HLCS: variants seen among roughly 807,000 people sequenced by gnomAD.
HLCS encodes biotin--protein ligase.
Under a neutral mutation model 75.0 loss-of-function variants are expected in HLCS, and 53 were observed. The ratio of observed to expected loss-of-function variants is 0.71; its 90% CI spans 0.57 to 0.89. The LOEUF (loss-of-function observed/expected upper bound fraction) is 0.89. HLCS is among the 40% of genes least tolerant of loss of function. The pLI, the probability that HLCS is intolerant of heterozygous loss-of-function variation, is 0.00. For missense variants in HLCS, 966 were observed against 1,074.0 expected, an observed-to-expected ratio of 0.90 and a Z score of 1.41; for synonymous variants, 431 against 428.6, an observed-to-expected ratio of 1.01 and a Z score of -0.07.
chr21:36,802,797 G>A (rs1013686912), intron 6 of HLCS, among the ~76,000 whole-genome samples: 4 of 152,106 alleles, frequency 2.6e-5, no homozygotes, highest in East Asian at 1.9e-4. Flanking sequence ...AAAAAGGCAC[G>A]ATCCCCACAC....
At chr21:36,823,610 G>GGGGGT (rs372824950) in intron 6 of HLCS, among the ~76,000 whole-genome samples, 24 of 132,726 alleles carry the variant, frequency 1.8e-4, no homozygotes, top group Non-Finnish European at 3.2e-5. Flanking sequence ...AAACGTGCAG[G>GGGGGT]GTGTGTGTGT....
chr21:36,939,386 T>A (rs2067038875), intron 2 of HLCS, among the ~76,000 whole-genome samples: 1 of 152,158 alleles, frequency 6.6e-6, no homozygotes, highest in Admixed American at 6.5e-5. Flanking sequence ...TGGACCCGCT[T>A]TTCTCAAAGT....
rs1431726637 is a variant in HLCS, at chr21:36,964,997, G to A, written c.195+1447C>T. On this transcript the variant is annotated intron_variant, in intron 1 of 10. Transcript: ENST00000674895. ...TAATGCATGAACTTCTTCCCCTTTT[G>A]TCTGGGTAGTGTCAGTTATGTGGAG... 3.0e-4 allele frequency among the ~76,000 whole-genome samples: 45 copies of A among 152,228 alleles called. 1 individual carries two copies. Among genetic ancestry groups the A allele is most frequent in the Non-Finnish European group, 8.8e-5 (6 of 68,006 alleles).
chr21:36,975,764 C>A (rs2068920750), intron 1 of HLCS, among the ~76,000 whole-genome samples: 1 of 152,026 alleles, frequency 6.6e-6, no homozygotes, highest in African/African-American at 2.4e-5. Context: ...CAGAAGAGAC[C>A]CCATCTCTAA....
intron 6 of HLCS, among the ~76,000 whole-genome samples, chr21:36,794,301 A>C (rs934172987): frequency 6.6e-6 from 1 of 152,244 alleles, no homozygotes; most frequent in Non-Finnish European, 1.5e-5. Context: ...CAGTGAAAAC[A>C]AAATACAGCA....
chr21:36,813,446 C>T (rs1329654682), intron 6 of HLCS, among the ~76,000 whole-genome samples: 1 of 152,180 alleles, frequency 6.6e-6, no homozygotes, highest in Non-Finnish European at 1.5e-5. Context: ...TTCTACCACA[C>T]TGCCTATTTC....
At chr21:36,826,107 A>C (rs2062001190) in intron 6 of HLCS, among the ~76,000 whole-genome samples, 1 of 152,222 alleles carries the variant, frequency 6.6e-6, no homozygotes, top group Non-Finnish European at 1.5e-5. Context: ...GTTAAGAGTA[A>C]CAAAGATGGG....
chr21:36,855,294 G>A (rs753934733), intron 6 of HLCS, among the ~76,000 whole-genome samples: 3 of 152,058 alleles, frequency 2.0e-5, no homozygotes, highest in Non-Finnish European at 2.9e-5. Flanking sequence ...ACTTTGGGAG[G>A]CCAAAGCGGG....
intron 6 of HLCS, among the ~76,000 whole-genome samples, chr21:36,822,196 C>T (rs530435055): frequency 7.2e-4 from 109 of 152,150 alleles, no homozygotes; most frequent in East Asian, 2.3e-3. Context: ...CTGAGGCAGG[C>T]GAATCACGAG....
intron 6 of HLCS, among the ~76,000 whole-genome samples, chr21:36,772,650 A>AT (rs1044315048): frequency 1.3e-5 from 2 of 151,310 alleles, no homozygotes; most frequent in Non-Finnish European, 3.0e-5. Flanking sequence ...AAAAAAAAAA[A>AT]AAAAAAAAAG....
At chr21:36,807,344 A>T (rs917030125) in intron 6 of HLCS, among the ~76,000 whole-genome samples, 1 of 152,180 alleles carries the variant, frequency 6.6e-6, no homozygotes, top group Non-Finnish European at 1.5e-5. Context: ...GGGAGGCCAC[A>T]TGCTAGGCCA....
intron 6 of HLCS, among the ~76,000 whole-genome samples, chr21:36,861,106 G>A (rs2063366957): frequency 6.6e-6 from 1 of 152,168 alleles, no homozygotes; most frequent in African/African-American, 2.4e-5. Flanking sequence ...TGGGAGACAG[G>A]ATATGACCAA....
chr21:36,963,352 C>CG (rs2068405983), intron 1 of HLCS, among the ~76,000 whole-genome samples: 1 of 152,182 alleles, frequency 6.6e-6, no homozygotes, highest in African/African-American at 2.4e-5. Context: ...CACTGTGCTG[C>CG]ATATCAGTTC....
intron 6 of HLCS, among the ~76,000 whole-genome samples, chr21:36,852,458 G>C (rs1178831458): frequency 2.0e-5 from 3 of 152,176 alleles, no homozygotes; most frequent in Non-Finnish European, 2.9e-5. Context: ...AGGGCAGCTG[G>C]ATTTCCCAGA....
rs1568950363 is a variant in HLCS at position 36,751,618 on chromosome 21, CA to C, written c.*2627del. ...AACGTCAGCCTGCTGCAGTGAAACT[CA>C]ACCACGATTTTCCTTTGCACACAAA... On this transcript the variant is annotated 3_prime_UTR_variant, in exon 11 of 11. Coordinates refer to ENST00000674895, the MANE Select transcript of HLCS (RefSeq NM_001352514.2). The C allele has an allele frequency of 2.6e-5, 4 of 152,440 alleles. No individual in the cohort carries two copies. The highest frequency in any genetic ancestry group is 5.9e-5 in the Non-Finnish European group (4 of 68,184). The allele number at this position is 152,440 out of a possible 1,614,324, so 9.4% of individuals were successfully genotyped here. A position where few individuals can be genotyped will look rare whatever the true frequency, so the allele number is the denominator to read the frequency against.
intron 8 of HLCS, among the ~76,000 whole-genome samples, chr21:36,762,366 T>C (rs1310464169): frequency 6.6e-6 from 1 of 151,352 alleles, no homozygotes; most frequent in African/African-American, 2.4e-5. Context: ...TAGGGGTGTG[T>C]GGGTGGAGGG....
intron 6 of HLCS, among the ~76,000 whole-genome samples, chr21:36,786,978 C>T (rs531665431): frequency 3.5e-4 from 54 of 152,280 alleles, no homozygotes; most frequent in African/African-American, 1.3e-3. Context: ...GCCCAGCACA[C>T]CCCCAAGTGC....
chr21:36,966,827 G>GC (rs984969912), upstream of HLCS, among the ~76,000 whole-genome samples: 6 of 146,716 alleles, frequency 4.1e-5, no homozygotes, highest in South Asian at 4.3e-4. Context: ...GGGCGGGGGG[G>GC]GGTGAGGCCG....
chr21:36,766,911 G>C (rs1016465034), intron 7 of HLCS, among the ~76,000 whole-genome samples: 20 of 152,194 alleles, frequency 1.3e-4, no homozygotes, highest in Non-Finnish European at 2.8e-4. Flanking sequence ...AACGTCTCTA[G>C]AGCACAGTGA....
Sources: gnomAD v4.1 joint callset for allele counts (sites outside exome capture counted in the v4.1 genomes callset) on GRCh38, gnomAD v4.1.1 for gene constraint, MANE v1.5 for transcripts, NCBI Gene and HGNC (gene_info 2026-07-23, HGNC 2026-07-21) for gene names.